MYO18B: variants seen among roughly 807,000 people sequenced by gnomAD.
MYO18B encodes myosin XVIIIB.
In MYO18B, 204 loss-of-function variants were observed where a neutral mutation model predicts 273.0. The observed-to-expected ratio is 0.75, with a 90% CI of 0.67 to 0.84. The LOEUF (loss-of-function observed/expected upper bound fraction) is 0.84, where lower values mean the gene tolerates loss of function less well. MYO18B is among the 40% of genes least tolerant of loss of function. MYO18B has a pLI of 0.00. For synonymous variants in MYO18B, 1,330 were observed against 1,305.7 expected (o/e 1.02, Z -0.40); for missense variants, 3,212 against 3,287.6 (o/e 0.98, Z 0.56).
chr22:25,953,108 TG>T (rs1167727520), intron 38 of MYO18B, among the ~76,000 whole-genome samples: 1 of 152,206 alleles, frequency 6.6e-6, no homozygotes, highest in Non-Finnish European at 1.5e-5. Flanking sequence ...TTGGATGGGC[TG>T]GGGTGAGGTT....
intron 14 of MYO18B, 63 bp from the exon 15 acceptor site, chr22:25,828,713 G>T: frequency 6.6e-7 from 1 of 1,504,660 alleles, no homozygotes; most frequent in African/African-American, 1.4e-5. Context: ...CTGGAGGCTT[G>T]GATCAGTGTG....
At chr22:25,875,510 C>CA (rs936026285) in intron 23 of MYO18B, among the ~76,000 whole-genome samples, 13 of 150,594 alleles carry the variant, frequency 8.6e-5, no homozygotes, top group Admixed American at 6.6e-4. Flanking sequence ...TCTGGTCCCC[C>CA]CCCCAGTGAT....
chr22:25,918,532 T>G (rs1276964688), intron 33 of MYO18B, among the ~76,000 whole-genome samples: 1 of 152,254 alleles, frequency 6.6e-6, no homozygotes, highest in Non-Finnish European at 1.5e-5. Context: ...CCCTCCTCTC[T>G]GTAGCAATTT....
intron 12 of MYO18B, among the ~76,000 whole-genome samples, chr22:25,810,528 G>C (rs1163470247): frequency 6.7e-6 from 1 of 148,448 alleles, no homozygotes; most frequent in East Asian, 2.0e-4. Flanking sequence ...CTGCCTCCCA[G>C]TTTCAAGCGA....
At chr22:25,838,207 A>G (rs1240425171) in intron 17 of MYO18B, among the ~76,000 whole-genome samples, 1 of 151,730 alleles carries the variant, frequency 6.6e-6, no homozygotes, top group East Asian at 1.9e-4. Flanking sequence ...ATACATACAT[A>G]CAGAGAGAGA....
chr22:25,775,917 C>T (rs1007676253), intron 7 of MYO18B, among the ~76,000 whole-genome samples: 4 of 152,038 alleles, frequency 2.6e-5, no homozygotes, highest in African/African-American at 9.7e-5. Flanking sequence ...ACATTATAGT[C>T]CAATGCACCT....
At chr22:25,847,078 CAAAA>C (rs35672001) in intron 19 of MYO18B, among the ~76,000 whole-genome samples, 1 of 139,304 alleles carries the variant, frequency 7.2e-6, no homozygotes, top group Non-Finnish European at 1.6e-5. Flanking sequence ...GACTCTGTCT[CAAAA>C]AAAAAAAAAT....
downstream of MYO18B, among the ~76,000 whole-genome samples, chr22:26,032,517 GTTT>G (rs869157490): frequency 1.0e-4 from 12 of 117,602 alleles, no homozygotes; most frequent in African/African-American, 3.7e-4. Flanking sequence ...TAATCACCCT[GTTT>G]TTTTTTTTTT....
the MYO18B span, among the ~76,000 whole-genome samples, chr22:26,046,127 C>T: frequency 6.6e-6 from 1 of 152,154 alleles, no homozygotes; most frequent in African/African-American, 2.4e-5. Flanking sequence ...TATTGAGTAG[C>T]ACAATTGTGG....
chr22:25,863,308 A>G (rs1209494596), intron 21 of MYO18B, among the ~76,000 whole-genome samples: 1 of 152,134 alleles, frequency 6.6e-6, no homozygotes, highest in Non-Finnish European at 1.5e-5. Context: ...TTGGCTGTTA[A>G]GTCCAAATTC....
At chr22:25,984,122 CACAATTTT>C (rs1485712986) in intron 39 of MYO18B, among the ~76,000 whole-genome samples, 6 of 149,022 alleles carry the variant, frequency 4.0e-5, no homozygotes, top group Non-Finnish European at 9.0e-5. Context: ...GTGAGGTGTA[CACAATTTT>C]ACATTATTTC....
chr22:25,836,158 A>G (rs1343312606), intron 17 of MYO18B, among the ~76,000 whole-genome samples: 2 of 152,208 alleles, frequency 1.3e-5, no homozygotes, highest in Admixed American at 1.3e-4. Flanking sequence ...GCGTGAAACC[A>G]GAACAAAGTG....
At chr22:25,809,577 T>G (rs1313137169) in intron 12 of MYO18B, among the ~76,000 whole-genome samples, 1 of 152,142 alleles carries the variant, frequency 6.6e-6, no homozygotes, top group East Asian at 1.9e-4. Flanking sequence ...GATGGGGTTA[T>G]GAAGGGAGGC....
rs746869768 is a variant in MYO18B at position 25,898,299 on chromosome 22, T to G, written c.4669-8T>G. The stretch of plus-strand genomic sequence containing the variant: ...AGAGCCGGGTAATTCATTCTATTAC[T>G]CTTACAGCTTGGGGAGTTGCAAAGT... On this transcript the variant is annotated splice_polypyrimidine_tract_variant and splice_region_variant and intron_variant, in intron 28 of 43. Transcript: ENST00000335473. The G allele has an allele frequency of 6.2e-7, 1 of 1,611,988 alleles. No individual in the cohort carries two copies. The highest frequency in any genetic ancestry group is 1.3e-5 in the African/African-American group (1 of 74,926).
chr22:25,946,282 T>G (rs1398480787), intron 35 of MYO18B, 32 bp downstream of exon 35: 3 of 1,476,750 alleles, frequency 2.0e-6, no homozygotes, highest in Non-Finnish European at 2.8e-6. Context: ...TGCAGGGACC[T>G]GGGCCAGCAT....
chr22:25,766,350 A>G (rs1041814419), intron 3 of MYO18B, among the ~76,000 whole-genome samples: 1 of 152,194 alleles, frequency 6.6e-6, no homozygotes, highest in African/African-American at 2.4e-5. Flanking sequence ...CAAGGAAGAT[A>G]TAAATGATAG....
At chr22:26,023,486 C>CCTT (rs1391940423) in intron 42 of MYO18B, among the ~76,000 whole-genome samples, 1 of 149,964 alleles carries the variant, frequency 6.7e-6, no homozygotes, top group African/African-American at 2.5e-5. Flanking sequence ...CCCTCCTCCT[C>CCTT]CTCCTCCTCT....
chr22:26,038,374 C>CT, the MYO18B span, among the ~76,000 whole-genome samples: 1 of 152,308 alleles, frequency 6.6e-6, no homozygotes, highest in Non-Finnish European at 1.5e-5. Flanking sequence ...CTCTGTGCCT[C>CT]TGTTTCCTGC....
At chr22:25,875,160 T>C (rs983864688) in intron 23 of MYO18B, among the ~76,000 whole-genome samples, 11 of 152,224 alleles carry the variant, frequency 7.2e-5, no homozygotes, top group Non-Finnish European at 1.5e-4. Context: ...CCCACTGGCC[T>C]TCTGTGCTCA....
Sources: gnomAD v4.1 joint callset for allele counts (sites outside exome capture counted in the v4.1 genomes callset) on GRCh38, gnomAD v4.1.1 for gene constraint, MANE v1.5 for transcripts, NCBI Gene and HGNC (gene_info 2026-07-23, HGNC 2026-07-21) for gene names.